PTPRK: variants seen among roughly 807,000 people sequenced by gnomAD.
PTPRK encodes the protein protein tyrosine phosphatase receptor type K, also known as receptor-type tyrosine-protein phosphatase kappa.
PTPRK carries 75 observed loss-of-function variants against 178.0 expected under a neutral mutation model. The observed-to-expected ratio is 0.42, with a 90% CI of 0.35 to 0.51. The LOEUF (loss-of-function observed/expected upper bound fraction) is 0.51. PTPRK is among the 20% of genes least tolerant of loss of function. PTPRK has a pLI of 0.02. For synonymous variants in PTPRK, 637 were observed against 620.6 expected (o/e 1.03, Z -0.39); for missense variants, 1,441 against 1,797.8 (o/e 0.80, Z 3.59).
intron 1 of PTPRK, among the ~76,000 whole-genome samples, chr6:128,407,633 CAA>C (rs56189580): frequency 1.1e-4 from 11 of 97,760 alleles, no homozygotes; most frequent in East Asian, 3.6e-4. Flanking sequence ...AAGACCCTAT[CAA>C]AAAAAAAAAA....
intron 5 of PTPRK, among the ~76,000 whole-genome samples, chr6:128,228,641 C>A: frequency 7.5e-6 from 1 of 132,754 alleles, no homozygotes; most frequent in Non-Finnish European, 1.6e-5. Flanking sequence ...GCTGGGGTGA[C>A]AGAGTGAGAC....
intron 1 of PTPRK, among the ~76,000 whole-genome samples, chr6:128,451,026 T>C (rs1847724034): frequency 6.6e-6 from 1 of 152,172 alleles, no homozygotes; most frequent in African/African-American, 2.4e-5. Flanking sequence ...GGAGTAAGCC[T>C]GTCACCTCAA....
At chr6:128,047,426 T>G (rs1406329801) in intron 13 of PTPRK, among the ~76,000 whole-genome samples, 1 of 152,208 alleles carries the variant, frequency 6.6e-6, no homozygotes, top group South Asian at 2.1e-4. Context: ...TTTAGGTTTA[T>G]CAAACAAATG....
chr6:128,347,723 A>G (rs189421347), intron 2 of PTPRK, among the ~76,000 whole-genome samples: 2 of 152,254 alleles, frequency 1.3e-5, no homozygotes, highest in East Asian at 3.9e-4. Context: ...AAAGAGAGAA[A>G]TACATTAATA....
intron 3 of PTPRK, among the ~76,000 whole-genome samples, chr6:128,245,823 T>C (rs1815355011): frequency 6.6e-6 from 1 of 152,196 alleles, no homozygotes; most frequent in Non-Finnish European, 1.5e-5. Context: ...TTAAATAATG[T>C]ATAACTTGAG....
intron 6 of PTPRK, among the ~76,000 whole-genome samples, chr6:128,188,710 A>T (rs182325873): frequency 6.6e-6 from 1 of 152,290 alleles, no homozygotes; most frequent in Admixed American, 6.5e-5. Context: ...CACTCGGTCA[A>T]AATCAAGCTG....
intron 2 of PTPRK, among the ~76,000 whole-genome samples, chr6:128,357,506 G>A (rs949826705): frequency 6.6e-6 from 1 of 152,130 alleles, no homozygotes; most frequent in African/African-American, 2.4e-5. Flanking sequence ...CTACATTTCA[G>A]GTCTAGGTGG....
chr6:128,083,034 A>C (rs1207130097), intron 9 of PTPRK, among the ~76,000 whole-genome samples: 2 of 152,106 alleles, frequency 1.3e-5, no homozygotes, highest in African/African-American at 2.4e-5. Context: ...AACAAATTTC[A>C]TGTAAATAGT....
At chr6:128,146,410 GTGTGTGTGTGTTTA>G (rs966287211) in intron 7 of PTPRK, among the ~76,000 whole-genome samples, 10 of 150,188 alleles carry the variant, frequency 6.7e-5, no homozygotes, top group Non-Finnish European at 1.2e-4. Context: ...GTGTGTTTAT[GTGTGTGTGTGTTTA>G]TGTGTGTGTG....
intron 1 of PTPRK, among the ~76,000 whole-genome samples, chr6:128,505,627 G>A (rs982304097): frequency 3.9e-5 from 6 of 151,990 alleles, no homozygotes; most frequent in Non-Finnish European, 7.4e-5. Flanking sequence ...GAGCTTCTCC[G>A]GTAAGAAAGT....
chr6:128,269,655 C>T (rs1412494014), intron 3 of PTPRK, among the ~76,000 whole-genome samples: 2 of 151,816 alleles, frequency 1.3e-5, no homozygotes, highest in Non-Finnish European at 2.9e-5. Context: ...GGGGAGGGCA[C>T]TTAATTGGGA....
At chr6:128,079,023 A>T in intron 10 of PTPRK, 105 bp from the exon 11 acceptor site, 2 of 624,112 alleles carry the variant, frequency 3.2e-6, no homozygotes, top group Non-Finnish European at 5.6e-6. Flanking sequence ...AAATTCACCT[A>T]ATTATCTACA....
intron 16 of PTPRK, among the ~76,000 whole-genome samples, chr6:127,997,820 C>T (rs1777333370): frequency 6.6e-6 from 1 of 151,996 alleles, no homozygotes; most frequent in Admixed American, 6.6e-5. Flanking sequence ...AATTAACACT[C>T]CTAATTTAAG....
chr6:128,186,753 A>C (rs1802830653), intron 6 of PTPRK, among the ~76,000 whole-genome samples: 1 of 152,158 alleles, frequency 6.6e-6, no homozygotes, highest in African/African-American at 2.4e-5. Context: ...TCAGAGTTTT[A>C]AAAAGTTTTT....
intron 6 of PTPRK, among the ~76,000 whole-genome samples, chr6:128,186,489 T>C (rs991499496): frequency 2.6e-5 from 4 of 152,146 alleles, no homozygotes; most frequent in African/African-American, 9.6e-5. Context: ...GTGGTTAACA[T>C]ATGATTTACA....
At chr6:128,345,968 C>T (rs769336564) in intron 2 of PTPRK, among the ~76,000 whole-genome samples, 14 of 152,026 alleles carry the variant, frequency 9.2e-5, no homozygotes, top group Non-Finnish European at 1.8e-4. Context: ...CTCTTGTATC[C>T]ATTTTTTAAG....
chr6:128,437,462 C>T (rs1845740008), intron 1 of PTPRK, among the ~76,000 whole-genome samples: 1 of 152,198 alleles, frequency 6.6e-6, no homozygotes, highest in Admixed American at 6.5e-5. Context: ...TACTCTGCCA[C>T]TCGCCCTGAA....
intron 6 of PTPRK, among the ~76,000 whole-genome samples, chr6:128,188,846 C>T (rs1221049406): frequency 6.6e-6 from 1 of 152,192 alleles, no homozygotes; most frequent in African/African-American, 2.4e-5. Context: ...GCCTTCTCCT[C>T]TCCTGTCTGT....
intron 5 of PTPRK, among the ~76,000 whole-genome samples, chr6:128,226,196 T>C (rs568108325): frequency 6.6e-6 from 1 of 152,218 alleles, no homozygotes; most frequent in Non-Finnish European, 1.5e-5. Flanking sequence ...CTCTACCTTT[T>C]CATCTAACAT....
Sources: allele counts gnomAD v4.1 joint callset (sites outside exome capture counted in the v4.1 genomes callset), GRCh38; gene constraint gnomAD v4.1.1; transcripts MANE v1.5; gene names NCBI Gene and HGNC (gene_info 2026-07-23, HGNC 2026-07-21).